IMMP2L: variants seen among roughly 807,000 people sequenced by gnomAD.
IMMP2L encodes inner mitochondrial membrane peptidase subunit 2.
A neutral mutation model predicts 19.3 loss-of-function variants in IMMP2L; 18 were observed. That is an observed-to-expected ratio of 0.93 (90% CI 0.64 to 1.38). The LOEUF (loss-of-function observed/expected upper bound fraction) is 1.38, where lower values mean the gene tolerates loss of function less well. IMMP2L is among the 40% of genes most tolerant of loss of function. The pLI is 0.00. For synonymous variants in IMMP2L, 76 were observed against 73.0 expected (o/e 1.04, Z -0.21); for missense variants, 233 against 218.2 (o/e 1.07, Z -0.43).
chr7:111,489,957 C>G (rs1842955754), intron 2 of IMMP2L, among the ~76,000 whole-genome samples: 1 of 151,870 alleles, frequency 6.6e-6, no homozygotes, highest in Non-Finnish European at 1.5e-5. Flanking sequence ...GCCACTATGC[C>G]CAGCTAATTT....
chr7:110,967,795 T>G (rs1013309027), intron 3 of IMMP2L, among the ~76,000 whole-genome samples: 1 of 152,180 alleles, frequency 6.6e-6, no homozygotes, highest in South Asian at 2.1e-4. Flanking sequence ...TTTAAAAATA[T>G]ATGTTTTTCT....
At chr7:111,106,441 T>C (rs1000791082) in intron 3 of IMMP2L, among the ~76,000 whole-genome samples, 10 of 151,824 alleles carry the variant, frequency 6.6e-5, no homozygotes, top group Admixed American at 1.3e-4. Flanking sequence ...TGAGAAACTC[T>C]CTAAGAAAAA....
At chr7:110,874,912 A>G (rs1383171059) in intron 5 of IMMP2L, among the ~76,000 whole-genome samples, 1 of 152,028 alleles carries the variant, frequency 6.6e-6, no homozygotes, top group African/African-American at 2.4e-5. Context: ...AGAGGAGAAT[A>G]CTTTTTCCAC....
intron 3 of IMMP2L, among the ~76,000 whole-genome samples, chr7:110,979,775 C>A (rs777986404): frequency 2.9e-4 from 44 of 152,088 alleles, no homozygotes; most frequent in South Asian, 2.1e-3. Flanking sequence ...CCCTAACAGA[C>A]ACCTCAAGGT....
intron 3 of IMMP2L, among the ~76,000 whole-genome samples, chr7:111,202,618 C>T (rs902762767): frequency 6.6e-6 from 1 of 152,160 alleles, no homozygotes; most frequent in African/African-American, 2.4e-5. Context: ...TGACTCTTCA[C>T]AGAGACTGGC....
chr7:110,663,770 A>G, intron 5 of IMMP2L, 49 bp from the exon 6 acceptor site: 1 of 1,323,970 alleles, frequency 7.6e-7, no homozygotes, highest in Non-Finnish European at 1.0e-6. Context: ...TCATTTTATA[A>G]GAATCATTAT....
intron 1 of IMMP2L, among the ~76,000 whole-genome samples, chr7:111,546,977 T>C (rs765884805): frequency 2.0e-5 from 3 of 152,062 alleles, no homozygotes; most frequent in Non-Finnish European, 4.4e-5. Flanking sequence ...AATGTTGTAG[T>C]GAAAAAGAGA....
intron 4 of IMMP2L, among the ~76,000 whole-genome samples, chr7:110,918,625 T>A (rs1813900685): frequency 6.6e-6 from 1 of 151,648 alleles, no homozygotes. Context: ...TTGGCTAATT[T>A]TTGTATTTTT....
chr7:110,779,591 A>G (rs1213246815), intron 5 of IMMP2L, among the ~76,000 whole-genome samples: 1 of 151,924 alleles, frequency 6.6e-6, no homozygotes, highest in Non-Finnish European at 1.5e-5. Flanking sequence ...AACAGTCTAC[A>G]ATGCACAGAT....
intron 4 of IMMP2L, among the ~76,000 whole-genome samples, chr7:110,889,218 T>G (rs1384382181): frequency 6.6e-6 from 1 of 152,200 alleles, no homozygotes; most frequent in Non-Finnish European, 1.5e-5. Flanking sequence ...GGTTTTGGCA[T>G]GATTCAAGCA....
At chr7:110,861,125 GAGAGACAGAGACAGAGAGAC>G (rs1306755670) in intron 5 of IMMP2L, among the ~76,000 whole-genome samples, 1 of 146,010 alleles carries the variant, frequency 6.8e-6, no homozygotes, top group African/African-American at 2.5e-5. Context: ...GAGAGAGAGA[GAGAGACAGAGACAGAGAGAC>G]AGAGACAGAG....
chr7:110,844,556 C>T (rs1805456371), intron 5 of IMMP2L, among the ~76,000 whole-genome samples: 1 of 151,544 alleles, frequency 6.6e-6, no homozygotes, highest in African/African-American at 2.4e-5. Flanking sequence ...AAGGTATTTG[C>T]CCTTCATCCT....
At position 111,027,258 on chromosome 7, in the gene IMMP2L, G is replaced by A. The variant is rs1441663874; in HGVS notation, c.240-63693C>T. 4.6e-5 allele frequency among the ~76,000 whole-genome samples: 7 copies of A among 152,246 alleles called. 1 individual carries two copies. The South Asian group carries it at 1.0e-3, about 23-fold the overall frequency. ...ACTGGTAAGGGCTGAGTTCTCATTT[G>A]CTGAATTCTCTTGAGGGTCTAGACA... On this transcript the variant is annotated intron_variant, in intron 3 of 5. Coordinates refer to ENST00000405709, the MANE Select transcript of IMMP2L (RefSeq NM_032549.4).
intron 5 of IMMP2L, among the ~76,000 whole-genome samples, chr7:110,864,660 C>T (rs1363103704): frequency 6.6e-6 from 1 of 151,948 alleles, no homozygotes; most frequent in African/African-American, 2.4e-5. Flanking sequence ...TGTAATCATC[C>T]TTTGAGCCAT....
intron 3 of IMMP2L, among the ~76,000 whole-genome samples, chr7:111,342,413 G>A (rs1046554022): frequency 1.3e-5 from 2 of 151,982 alleles, no homozygotes; most frequent in Non-Finnish European, 2.9e-5. Flanking sequence ...TCAACATGGT[G>A]AAACCCTGTC....
intron 5 of IMMP2L, among the ~76,000 whole-genome samples, chr7:110,812,030 G>A (rs760424246): frequency 4.0e-5 from 6 of 151,752 alleles, no homozygotes; most frequent in Non-Finnish European, 8.8e-5. Flanking sequence ...ATATGTACTC[G>A]TCCAACCTTA....
intron 3 of IMMP2L, among the ~76,000 whole-genome samples, chr7:111,130,682 C>A (rs1801762591): frequency 6.6e-6 from 1 of 152,000 alleles, no homozygotes; most frequent in South Asian, 2.1e-4. Context: ...GTACTAGACT[C>A]AAGGCTGGTA....
chr7:111,079,933 T>A (rs1037963501), intron 3 of IMMP2L, among the ~76,000 whole-genome samples: 3 of 152,082 alleles, frequency 2.0e-5, no homozygotes, highest in Non-Finnish European at 4.4e-5. Context: ...TCTTTTACCA[T>A]GTGATGCCCT....
At chr7:111,461,068 G>A (rs972185787) in intron 3 of IMMP2L, among the ~76,000 whole-genome samples, 1 of 152,050 alleles carries the variant, frequency 6.6e-6, no homozygotes, top group African/African-American at 2.4e-5. Flanking sequence ...ATTCCATCAA[G>A]TGTACATTCC....
Sources: gnomAD v4.1 joint callset for allele counts (sites outside exome capture counted in the v4.1 genomes callset) on GRCh38, gnomAD v4.1.1 for gene constraint, MANE v1.5 for transcripts, NCBI Gene and HGNC (gene_info 2026-07-23, HGNC 2026-07-21) for gene names.